OARD1: variants seen among roughly 807,000 people sequenced by gnomAD.
OARD1 encodes O-acyl-ADP-ribose deacylase 1.
Under a neutral mutation model 19.7 loss-of-function variants are expected in OARD1, and 19 were observed. The ratio of observed to expected loss-of-function variants is 0.96; its 90% CI spans 0.67 to 1.41. The LOEUF is 1.41. Among genes scored for constraint, OARD1 ranks in the 40% most tolerant of loss-of-function variants. The pLI, the probability that OARD1 is intolerant of heterozygous loss-of-function variation, is 0.00. For synonymous variants in OARD1, 70 were observed against 61.8 expected (o/e 1.13, Z -0.62); for missense variants, 190 against 183.8 (o/e 1.03, Z -0.20).
intron 1 of OARD1, among the ~76,000 whole-genome samples, chr6:41,083,439 A>G (rs2113799598): frequency 6.6e-6 from 1 of 152,374 alleles, no homozygotes; most frequent in South Asian, 2.1e-4. Context: ...AGTTTAAACA[A>G]CAAACATATC....
At chr6:41,070,053 A>G in intron 4 of OARD1, 23 bp downstream of exon 4, 2 of 1,468,962 alleles carry the variant, frequency 1.4e-6, no homozygotes, top group Non-Finnish European at 9.5e-7. Flanking sequence ...CCCTGAAAAA[A>G]AAAGGAATTG....
At chr6:41,089,811 A>G in intron 1 of OARD1, 4 of 1,464,882 alleles carry the variant, frequency 2.7e-6, no homozygotes, top group South Asian at 1.4e-5. Flanking sequence ...AGAAAAGGGG[A>G]TGAAAACCAT....
chr6:41,085,752 AT>A (rs3840128), intron 1 of OARD1, among the ~76,000 whole-genome samples: 32,898 of 146,032 alleles, frequency 0.23, 5,232 homozygotes, highest in African/African-American at 0.46. Flanking sequence ...TTGTGTTTTC[AT>A]TTTTTTTTTT....
chr6:41,071,643 G>C lies in OARD1; in HGVS notation c.-9C>G, dbSNP rs1449210086. On this transcript the variant is annotated 5_prime_UTR_variant, in exon 2 of 6. Transcript: ENST00000424266. ...TTAAGGCTGCTGGCCATGATACTGA[G>C]TCGCTATTTCCAGAATTTAAGTGTT... The C allele has an allele frequency of 8.7e-6, 14 of 1,612,110 alleles. 1 individual carries two copies. In the Admixed American group the frequency reaches 1.3e-4, roughly 15 times the overall value.
At chr6:41,082,769 G>T (rs1763943643) in intron 1 of OARD1, among the ~76,000 whole-genome samples, 1 of 152,206 alleles carries the variant, frequency 6.6e-6, no homozygotes, top group Non-Finnish European at 1.5e-5. Context: ...GTGTAGCAAA[G>T]GGGATTTGAT....
At chr6:41,070,963 G>C in intron 3 of OARD1, 169 bp downstream of exon 3, 1 of 663,326 alleles carries the variant, frequency 1.5e-6, no homozygotes, top group South Asian at 1.7e-5. Context: ...CACAGGAGTT[G>C]GGTTTTGATA....
chr6:41,070,303 A>G (rs934403268), intron 3 of OARD1, among the ~76,000 whole-genome samples, 169 bp from the exon 4 acceptor site: 4 of 152,266 alleles, frequency 2.6e-5, no homozygotes, highest in African/African-American at 9.6e-5. Context: ...GCTTTTTATC[A>G]GCATTCCCAA....
At position 41,071,685 on chromosome 6, in the gene OARD1, G is replaced by C. The variant is rs776183225; in HGVS notation, c.-41-10C>G. ...TTAAGTGTTTCTTCAGCTATGAGAA[G>C]GGAAAAGGAAGTAAAAATGCTTAGG... On this transcript the variant is annotated splice_polypyrimidine_tract_variant and intron_variant, in intron 1 of 5. Transcript: ENST00000424266. The C allele has an allele frequency of 1.2e-5, 18 of 1,522,406 alleles. No individual in the cohort carries two copies. The East Asian group carries it at 3.6e-4, about 30-fold the overall frequency. 94.3% of individuals were successfully genotyped at this position (1,522,406 alleles called of 1,614,324 possible). A position where few individuals can be genotyped will look rare whatever the true frequency, so the allele number is the denominator to read the frequency against.
Position 41,066,797 on chromosome 6 carries a change from C to G in OARD1, c.*538G>C, listed in dbSNP as rs1291054869. The G allele has an allele frequency of 6.6e-6, 1 of 152,224 alleles. No homozygotes were observed. Among genetic ancestry groups the G allele is most frequent in the Non-Finnish European group, 1.5e-5 (1 of 68,076 alleles). The allele number at this position is 152,224 out of a possible 1,614,324, so 9.4% of individuals were successfully genotyped here. ...ACATAAGCACAGAACCTCACTAACTCCCCAAATTTTTATTTTTCCATTTTT... is the reference window on the plus strand; with the variant it reads ...ACATAAGCACAGAACCTCACTAACTGCCCAAATTTTTATTTTTCCATTTTT... On this transcript the variant is annotated 3_prime_UTR_variant, in exon 6 of 6. Transcript: ENST00000424266.
At chr6:41,075,481 C>G (rs576176621), upstream of OARD1, 11 of 152,336 alleles carry the variant, frequency 7.2e-5, no homozygotes, top group Admixed American at 2.6e-4. Flanking sequence ...AAATACCTTA[C>G]AAGCTTCCAC....
In OARD1 at chr6:41,097,287, A is replaced by T. The variant is rs532216568; in HGVS notation, c.-42+426T>A. 2.2e-6 allele frequency: 3 copies of T among 1,380,036 alleles called. No individual in the cohort carries two copies. In the South Asian group the frequency reaches 3.5e-5, roughly 16 times the overall value. The allele number at this position is 1,380,036 out of a possible 1,614,324, so 85.5% of individuals were successfully genotyped here. A position where few individuals can be genotyped will look rare whatever the true frequency, so the allele number is the denominator to read the frequency against. Reference sequence around the variant, plus strand: ...TTATGTGTATTCTCTTGGGGGGATAAGTAGTGAGAGCCATGAGTTCCTGTT... The same window carrying T: ...TTATGTGTATTCTCTTGGGGGGATATGTAGTGAGAGCCATGAGTTCCTGTT... On this transcript the variant is annotated intron_variant, in intron 1 of 4. Coordinates refer to the OARD1 transcript ENST00000480585.
At chr6:41,081,517 G>A (rs1252909257) in intron 1 of OARD1, among the ~76,000 whole-genome samples, 1 of 152,070 alleles carries the variant, frequency 6.6e-6, no homozygotes, top group East Asian at 1.9e-4. Flanking sequence ...TTTATTCAGG[G>A]CTCACACTCT....
intron 3 of OARD1, among the ~76,000 whole-genome samples, chr6:41,070,589 T>C (rs1763285755): frequency 6.6e-6 from 1 of 152,218 alleles, no homozygotes; most frequent in Non-Finnish European, 1.5e-5. Flanking sequence ...AGAGAAGATA[T>C]CATCATTCCA....
chr6:41,077,730 TTGCTCCCTG>T (rs984507781), intron 1 of OARD1, among the ~76,000 whole-genome samples: 18 of 152,176 alleles, frequency 1.2e-4, no homozygotes, highest in African/African-American at 2.2e-4. Flanking sequence ...CTGATTATAT[TTGCTCCCTG>T]TTGGCCAATC....
chr6:41,080,334 A>G (rs957273042), intron 1 of OARD1, among the ~76,000 whole-genome samples: 1 of 152,112 alleles, frequency 6.6e-6, no homozygotes, highest in Non-Finnish European at 1.5e-5. Flanking sequence ...TAGTTTTGGG[A>G]CATGAGAGCA....
upstream of OARD1, among the ~76,000 whole-genome samples, chr6:41,077,347 AC>A (rs1430777343): frequency 6.6e-6 from 1 of 152,118 alleles, no homozygotes; most frequent in Non-Finnish European, 1.5e-5. Flanking sequence ...CATTTTCATC[AC>A]CCTACAATGT....
At chr6:41,080,584 A>G (rs1763877896) in intron 1 of OARD1, among the ~76,000 whole-genome samples, 1 of 152,184 alleles carries the variant, frequency 6.6e-6, no homozygotes, top group Non-Finnish European at 1.5e-5. Context: ...AATGATGACA[A>G]CTGTTTTGAG....
At chr6:41,071,007 G>A (rs1000768007) in intron 3 of OARD1, 125 bp downstream of exon 3, 2 of 1,003,570 alleles carry the variant, frequency 2.0e-6, no homozygotes, top group Non-Finnish European at 3.1e-6. Flanking sequence ...CATTCTTGGG[G>A]AGGAAAATCT....
intron 3 of OARD1, chr6:41,070,717 A>G (rs2114058870): frequency 6.3e-6 from 2 of 315,540 alleles, no homozygotes; most frequent in East Asian, 7.0e-5. Context: ...AGCTTTACAT[A>G]GGATTCTAGT....
Sources: allele counts gnomAD v4.1 joint callset (sites outside exome capture counted in the v4.1 genomes callset), GRCh38; gene constraint gnomAD v4.1.1; transcripts MANE v1.5; gene names NCBI Gene and HGNC (gene_info 2026-07-23, HGNC 2026-07-21).